Variants in EFCAB5 observed in about 807,000 individuals in gnomAD.
The protein encoded by EFCAB5 is EF-hand calcium binding domain 5, also known as EF-hand calcium-binding domain-containing protein 5.
Under a neutral mutation model 167.9 loss-of-function variants are expected in EFCAB5, and 131 were observed. That is an observed-to-expected ratio of 0.78 (90% CI 0.68 to 0.90). The LOEUF is 0.90. Among genes scored for constraint, EFCAB5 ranks in the 40% least tolerant of loss-of-function variants. EFCAB5 has a pLI of 0.00. For missense variants in EFCAB5, 1,663 were observed against 1,745.2 expected (o/e 0.95, Z 0.84); for synonymous variants, 574 against 602.8 (o/e 0.95, Z 0.70).
intron 8 of EFCAB5, among the ~76,000 whole-genome samples, chr17:30,035,183 C>A (rs796906675): frequency 7.2e-5 from 11 of 152,214 alleles, no homozygotes; most frequent in African/African-American, 2.6e-4. Flanking sequence ...TTCAGTTAAT[C>A]CTTATTGAAT....
At chr17:30,090,263 A>G (rs1393862163) in intron 19 of EFCAB5, 158 bp from the exon 20 acceptor site, 7 of 943,638 alleles carry the variant, frequency 7.4e-6, no homozygotes, top group Non-Finnish European at 9.2e-6. Flanking sequence ...CAGCCATGTG[A>G]AATCAAGGGC....
intron 8 of EFCAB5, among the ~76,000 whole-genome samples, chr17:30,049,372 C>G (rs192351579): frequency 6.6e-6 from 1 of 152,044 alleles, no homozygotes; most frequent in Non-Finnish European, 1.5e-5. Flanking sequence ...CCCAGCTACT[C>G]CGGAGGCTGA....
At chr17:30,075,771 T>C (rs983229735) in intron 14 of EFCAB5, among the ~76,000 whole-genome samples, 1 of 152,218 alleles carries the variant, frequency 6.6e-6, no homozygotes, top group African/African-American at 2.4e-5. Context: ...TGCACAGATT[T>C]GGGCCCTGAT....
chr17:30,108,199 C>A lies in EFCAB5; in HGVS notation c.*175C>A. Reference sequence around the variant, plus strand: ...AAGTGCTACCTAAGAAGAAATTTAGCCAAAAAATACCCAGCTAAGGTAGCC... The same window carrying A: ...AAGTGCTACCTAAGAAGAAATTTAGACAAAAAATACCCAGCTAAGGTAGCC... On this transcript the variant is annotated 3_prime_UTR_variant, in exon 23 of 23. Coordinates refer to ENST00000394835, the MANE Select transcript of EFCAB5 (RefSeq NM_198529.4). 5.0e-6 allele frequency: 3 copies of A among 598,238 alleles called. No individual in the cohort carries two copies. The highest frequency in any genetic ancestry group is 2.0e-5 in the African/African-American group (1 of 51,208). The allele number at this position is 598,238 out of a possible 1,614,324, so 37.1% of individuals were successfully genotyped here.
chr17:30,081,052 C>T (rs11080115), intron 17 of EFCAB5, 71 bp downstream of exon 17: 617,964 of 1,237,078 alleles, frequency 0.5, 157,002 homozygotes, highest in African/African-American at 0.57. Flanking sequence ...AAGAGTGAAA[C>T]CTGAAATCCG....
At chr17:29,937,207 T>TTTA (rs2067252555), upstream of EFCAB5, among the ~76,000 whole-genome samples, 1 of 152,020 alleles carries the variant, frequency 6.6e-6, no homozygotes, top group African/African-American at 2.4e-5. Flanking sequence ...TTATTTATTT[T>TTTA]TTTTTTGAGA....
chr17:30,097,053 T>TAC (rs201621184), intron 22 of EFCAB5, among the ~76,000 whole-genome samples: 5,152 of 90,816 alleles, frequency 0.057, 147 homozygotes, highest in East Asian at 0.12. Flanking sequence ...CATATACATA[T>TAC]ATATATATTT....
At chr17:29,966,149 A>G (rs933355033) in intron 3 of EFCAB5, among the ~76,000 whole-genome samples, 4 of 152,210 alleles carry the variant, frequency 2.6e-5, no homozygotes, top group African/African-American at 9.6e-5. Flanking sequence ...TTATGCAACC[A>G]TTACCACTGT....
In EFCAB5 at chr17:29,978,465, A is replaced by G. The variant is rs565045763; in HGVS notation, c.767+9098A>G. On this transcript the variant is annotated intron_variant, in intron 4 of 22. Transcript: ENST00000394835. The stretch of plus-strand genomic sequence containing the variant: ...CTAAACCTTACTCTGTTGAGTATGT[A>G]TATATCCCATTATTAAATACTTAAG... 2.6e-5 allele frequency among the ~76,000 whole-genome samples: 4 copies of G among 152,306 alleles called. No individual in the cohort carries two copies. The East Asian group carries it at 7.7e-4, about 29-fold the overall frequency.
At chr17:30,098,800 A>G (rs1006606266) in intron 22 of EFCAB5, among the ~76,000 whole-genome samples, 3 of 152,228 alleles carry the variant, frequency 2.0e-5, no homozygotes, top group Admixed American at 2.0e-4. Context: ...TGTACCCATT[A>G]GCAGTCACTT....
intron 4 of EFCAB5, among the ~76,000 whole-genome samples, chr17:29,990,125 C>A (rs1311832659): frequency 4.6e-5 from 7 of 152,122 alleles, no homozygotes; most frequent in African/African-American, 1.7e-4. Context: ...CCATTGGGCC[C>A]TTCGCAATGC....
chr17:30,088,988 C>T (rs772200959), intron 19 of EFCAB5, among the ~76,000 whole-genome samples: 9 of 151,798 alleles, frequency 5.9e-5, no homozygotes, highest in East Asian at 1.9e-4. Context: ...ATGTGCATAA[C>T]GTGCAGGTTT....
chr17:29,932,816 G>A (rs1339302266), intron 1 of EFCAB5, among the ~76,000 whole-genome samples: 1 of 151,938 alleles, frequency 6.6e-6, no homozygotes, highest in Non-Finnish European at 1.5e-5. Context: ...TTCATCTGTA[G>A]GTAAGTGTGG....
chr17:29,969,158 AG>A lies in EFCAB5; in HGVS notation c.559del (p.Glu187LysfsTer4). On this transcript the variant is annotated frameshift_variant, in exon 4 of 23. Coordinates refer to ENST00000394835, the MANE Select transcript of EFCAB5 (RefSeq NM_198529.4). LOFTEE classifies it high-confidence loss of function. ...KLLPTLVPGV[E>X]NMLTQVEKKK... ...TTCTACCCACCTTAGTTCCTGGAGT[AG>A]AAAACATGTTAACTCAAGTAGAAAA... is the stretch of plus-strand genomic sequence containing the variant. 6.2e-7 allele frequency: 1 copy of A among 1,613,904 alleles called. No individual in the cohort carries two copies. Among genetic ancestry groups the A allele is most frequent in the African/African-American group, 1.3e-5 (1 of 75,010 alleles).
intron 5 of EFCAB5, among the ~76,000 whole-genome samples, chr17:29,994,217 G>C (rs1297041411): frequency 6.9e-6 from 1 of 145,268 alleles, no homozygotes; most frequent in Admixed American, 6.9e-5. Flanking sequence ...CGCGGTGGGG[G>C]AGCTCTTTGT....
intron 3 of EFCAB5, among the ~76,000 whole-genome samples, chr17:29,944,164 G>A (rs565035741): frequency 6.6e-6 from 1 of 152,158 alleles, no homozygotes; most frequent in African/African-American, 2.4e-5. Flanking sequence ...CAGATTCAAA[G>A]TCCTGGGTTC....
intron 7 of EFCAB5, among the ~76,000 whole-genome samples, chr17:30,028,259 G>A (rs1056582427): frequency 2.0e-5 from 3 of 152,170 alleles, no homozygotes; most frequent in African/African-American, 4.8e-5. Context: ...GAAAGGCTTC[G>A]TCAACTGTAC....
chr17:30,029,815 T>C (rs905319464), intron 7 of EFCAB5, among the ~76,000 whole-genome samples: 18 of 152,322 alleles, frequency 1.2e-4, no homozygotes, highest in African/African-American at 4.1e-4. Context: ...CTTCATCAAC[T>C]CTTCAGTATG....
chr17:30,024,824 A>G (rs1411732396), intron 7 of EFCAB5, among the ~76,000 whole-genome samples: 1 of 152,210 alleles, frequency 6.6e-6, no homozygotes, highest in Non-Finnish European at 1.5e-5. Context: ...TGGTACTGGT[A>G]CCAAAACAGA....
Sources: allele counts gnomAD v4.1 joint callset (sites outside exome capture counted in the v4.1 genomes callset), GRCh38; gene constraint gnomAD v4.1.1; transcripts MANE v1.5; gene names NCBI Gene and HGNC (gene_info 2026-07-23, HGNC 2026-07-21).